Variants in HECW2 observed in about 807,000 individuals in gnomAD.
The protein encoded by HECW2 is HECT, C2 and WW domain containing E3 ubiquitin protein ligase 2.
Under a neutral mutation model 175.2 loss-of-function variants are expected in HECW2, and 61 were observed. The observed-to-expected ratio is 0.35, with a 90% CI of 0.28 to 0.43. The LOEUF is 0.43. Among genes scored for constraint, HECW2 ranks in the 20% least tolerant of loss-of-function variants. HECW2 has a pLI of 1.00. For missense variants in HECW2, 1,524 were observed against 2,000.5 expected, an observed-to-expected ratio of 0.76 and a Z score of 4.54; for synonymous variants, 671 against 731.0, an observed-to-expected ratio of 0.92 and a Z score of 1.32.
chr2:196,225,466 G>A (rs16847565), intron 23 of HECW2, among the ~76,000 whole-genome samples: 7,963 of 152,214 alleles, frequency 0.052, 683 homozygotes, highest in African/African-American at 0.18. Context: ...TAATACCACA[G>A]GAATCCCAGG....
chr2:196,566,855 C>T (rs747984977), intron 1 of HECW2, among the ~76,000 whole-genome samples: 58 of 152,004 alleles, frequency 3.8e-4, no homozygotes, highest in Admixed American at 1.2e-3. Context: ...CGAGACAACT[C>T]TCTGAGGTAG....
At chr2:196,276,896 C>A (rs1207984093) in intron 15 of HECW2, among the ~76,000 whole-genome samples, 1 of 152,012 alleles carries the variant, frequency 6.6e-6, no homozygotes, top group East Asian at 1.9e-4. Context: ...GAATCAGATC[C>A]AGTTATTTAT....
At chr2:196,432,797 C>G (rs567130802) in intron 2 of HECW2, among the ~76,000 whole-genome samples, 11 of 152,320 alleles carry the variant, frequency 7.2e-5, no homozygotes, top group African/African-American at 2.2e-4. Flanking sequence ...TAATAGATAT[C>G]TCTTTCTAAA....
chr2:196,368,971 C>T (rs1298403086), intron 2 of HECW2, among the ~76,000 whole-genome samples: 1 of 152,116 alleles, frequency 6.6e-6, no homozygotes, highest in Non-Finnish European at 1.5e-5. Context: ...CAGGATTGGT[C>T]ACCAGTGTCT....
chr2:196,292,292 A>G (rs536333150), intron 14 of HECW2: 1 of 375,060 alleles, frequency 2.7e-6, no homozygotes, highest in Non-Finnish European at 4.9e-6. Context: ...TCAGCAGAGC[A>G]TAGAGAGAGA....
chr2:196,324,858 C>T (rs1692086657), intron 6 of HECW2, 122 bp downstream of exon 6: 1 of 714,538 alleles, frequency 1.4e-6, no homozygotes. Context: ...CATTGTACCC[C>T]TTCCCAGCAG....
At chr2:196,512,377 T>TAACCCTTC (rs1687982418) in intron 1 of HECW2, among the ~76,000 whole-genome samples, 1 of 152,184 alleles carries the variant, frequency 6.6e-6, no homozygotes, top group Admixed American at 6.5e-5. Flanking sequence ...GTCACTTTTT[T>TAACCCTTC]AACCCTTCAA....
intron 1 of HECW2, among the ~76,000 whole-genome samples, chr2:196,585,447 A>T (rs756630922): frequency 6.6e-6 from 1 of 152,240 alleles, no homozygotes; most frequent in East Asian, 1.9e-4. Context: ...AAAGGAAATG[A>T]GTCTTTATTA....
chr2:196,450,668 A>T (rs1412850290), intron 1 of HECW2, among the ~76,000 whole-genome samples: 1 of 151,944 alleles, frequency 6.6e-6, no homozygotes, highest in Non-Finnish European at 1.5e-5. Context: ...TTTAGTAGAG[A>T]CAGGGTTTCA....
intron 1 of HECW2, among the ~76,000 whole-genome samples, chr2:196,559,342 T>A (rs1689918077): frequency 6.6e-6 from 1 of 152,150 alleles, no homozygotes; most frequent in South Asian, 2.1e-4. Context: ...CAGAAACACG[T>A]GGGGATGTCT....
intron 5 of HECW2, among the ~76,000 whole-genome samples, chr2:196,328,002 T>C (rs1388353758): frequency 6.6e-6 from 1 of 152,046 alleles, no homozygotes; most frequent in Non-Finnish European, 1.5e-5. Context: ...AAGCATAGGG[T>C]AATAATTTTA....
intron 28 of HECW2, among the ~76,000 whole-genome samples, chr2:196,203,362 A>G (rs1559431522): frequency 6.6e-6 from 1 of 152,206 alleles, no homozygotes; most frequent in African/African-American, 2.4e-5. Flanking sequence ...ATACTACACT[A>G]GAGTCCTAGC....
chr2:196,510,294 CTACTACAT>C (rs1687900623), intron 1 of HECW2, among the ~76,000 whole-genome samples: 1 of 152,156 alleles, frequency 6.6e-6, no homozygotes, highest in African/African-American at 2.4e-5. Flanking sequence ...AGTCCTAGAA[CTACTACAT>C]CAGGCAGGGG....
At chr2:196,524,010 G>T (rs1406919834) in intron 1 of HECW2, among the ~76,000 whole-genome samples, 261 of 150,820 alleles carry the variant, frequency 1.7e-3, no homozygotes, top group Middle Eastern at 0.01. Flanking sequence ...TAGGGAGGAT[G>T]CCCTCTTTTT....
At chr2:196,254,397 G>A (rs1454552049) in intron 18 of HECW2, among the ~76,000 whole-genome samples, 1 of 152,204 alleles carries the variant, frequency 6.6e-6, no homozygotes, top group Non-Finnish European at 1.5e-5. Context: ...TACAAAGTAT[G>A]TTCTATATCC....
intron 1 of HECW2, among the ~76,000 whole-genome samples, chr2:196,505,849 A>G (rs1257642989): frequency 2.0e-5 from 3 of 152,222 alleles, no homozygotes; most frequent in Non-Finnish European, 4.4e-5. Flanking sequence ...CACTGGAGCT[A>G]TCAATGTCAA....
intron 1 of HECW2, among the ~76,000 whole-genome samples, chr2:196,494,399 A>C (rs1353467131): frequency 6.6e-6 from 1 of 152,224 alleles, no homozygotes. Context: ...AAACAATTAC[A>C]ATGGCCCCAG....
chr2:196,584,403 G>C (rs1422607052), intron 1 of HECW2, among the ~76,000 whole-genome samples: 1 of 152,186 alleles, frequency 6.6e-6, no homozygotes, highest in African/African-American at 2.4e-5. Flanking sequence ...ACACTGAAGA[G>C]ATATTTCTTT....
At chr2:196,490,496 ATGG>A (rs761513474) in intron 1 of HECW2, among the ~76,000 whole-genome samples, 51 of 152,348 alleles carry the variant, frequency 3.3e-4, no homozygotes, top group Admixed American at 1.9e-3. Context: ...ACTGGTGAAA[ATGG>A]TGGTGGAAAT....
Sources: allele counts gnomAD v4.1 joint callset (sites outside exome capture counted in the v4.1 genomes callset), GRCh38; gene constraint gnomAD v4.1.1; transcripts MANE v1.5; gene names NCBI Gene and HGNC (gene_info 2026-07-23, HGNC 2026-07-21).